The following LRFN5 variants were observed in gnomAD, a reference collection of about 807,000 sequenced individuals.
LRFN5 encodes leucine rich repeat and fibronectin type III domain containing 5.
Under a neutral mutation model 45.6 loss-of-function variants are expected in LRFN5, and 24 were observed. The ratio of observed to expected loss-of-function variants is 0.53; its 90% CI spans 0.38 to 0.74. The LOEUF is 0.74. LRFN5 is among the 30% of genes least tolerant of loss of function. LRFN5 has a pLI of 0.00. For missense variants in LRFN5, 776 were observed against 861.5 expected, an observed-to-expected ratio of 0.90 and a Z score of 1.24; for synonymous variants, 340 against 313.8, an observed-to-expected ratio of 1.08 and a Z score of -0.88.
At chr14:41,710,895 A>G (rs1883255866) in intron 1 of LRFN5, among the ~76,000 whole-genome samples, 1 of 131,092 alleles carries the variant, frequency 7.6e-6, no homozygotes, top group Non-Finnish European at 1.7e-5. Context: ...TTGCGACAGA[A>G]TGATGGTTTG....
At chr14:41,671,123 G>T (rs1009196751) in intron 1 of LRFN5, among the ~76,000 whole-genome samples, 1 of 151,698 alleles carries the variant, frequency 6.6e-6, no homozygotes, top group African/African-American at 2.4e-5. Flanking sequence ...TCTAATATGA[G>T]ATTTCTTTGA....
chr14:41,786,593 T>A (rs1332203174), intron 2 of LRFN5, among the ~76,000 whole-genome samples: 2 of 151,678 alleles, frequency 1.3e-5, no homozygotes, highest in African/African-American at 4.8e-5. Flanking sequence ...GGTGTAGTTT[T>A]TAAGATTTCT....
At chr14:41,686,636 G>T (rs1191231741) in intron 1 of LRFN5, among the ~76,000 whole-genome samples, 3 of 151,960 alleles carry the variant, frequency 2.0e-5, no homozygotes, top group South Asian at 4.1e-4. Context: ...TATGTTCCAT[G>T]AATACCTACT....
intron 1 of LRFN5, among the ~76,000 whole-genome samples, chr14:41,730,593 A>G (rs924460047): frequency 6.6e-6 from 1 of 151,928 alleles, no homozygotes; most frequent in Non-Finnish European, 1.5e-5. Context: ...GGCATAGATA[A>G]TATCAGTTTT....
intron 2 of LRFN5, among the ~76,000 whole-genome samples, chr14:41,844,702 G>T (rs1237701755): frequency 6.6e-6 from 1 of 152,062 alleles, no homozygotes; most frequent in Non-Finnish European, 1.5e-5. Context: ...TATGATATAA[G>T]TACTCCCAAC....
intron 4 of LRFN5, among the ~76,000 whole-genome samples, chr14:41,896,106 C>A (rs1449711413): frequency 6.6e-6 from 1 of 151,866 alleles, no homozygotes; most frequent in Non-Finnish European, 1.5e-5. Flanking sequence ...ACACTATTTG[C>A]CTTTTAGCTC....
At chr14:41,865,746 T>C (rs1364026043) in intron 2 of LRFN5, among the ~76,000 whole-genome samples, 2 of 152,214 alleles carry the variant, frequency 1.3e-5, no homozygotes, top group Non-Finnish European at 2.9e-5. Flanking sequence ...ATCTTTCTCT[T>C]TGGCTATAAC....
intron 1 of LRFN5, among the ~76,000 whole-genome samples, chr14:41,712,728 A>G (rs61990336): frequency 0.18 from 26,660 of 152,074 alleles, 2,463 homozygotes; most frequent in Non-Finnish European, 0.22. Flanking sequence ...TTTTATGCTA[A>G]TAACAGCTTA....
intron 2 of LRFN5, among the ~76,000 whole-genome samples, chr14:41,814,717 G>A (rs1887856623): frequency 6.6e-6 from 1 of 152,108 alleles, no homozygotes; most frequent in Non-Finnish European, 1.5e-5. Flanking sequence ...CTACAGAAAT[G>A]CCATATTCAG....
intron 1 of LRFN5, among the ~76,000 whole-genome samples, chr14:41,754,742 C>T (rs182251920): frequency 1.3e-5 from 2 of 151,762 alleles, no homozygotes; most frequent in African/African-American, 4.8e-5. Flanking sequence ...ATTTTTGAAG[C>T]GTTTTTTGTG....
At chr14:41,788,871 C>T (rs542629279) in intron 2 of LRFN5, among the ~76,000 whole-genome samples, 9 of 152,062 alleles carry the variant, frequency 5.9e-5, no homozygotes, top group East Asian at 1.9e-4. Flanking sequence ...TTAATATACA[C>T]GTTAATATAC....
intron 4 of LRFN5, 83 bp from the exon 5 acceptor site, chr14:41,898,834 A>G: frequency 3.9e-6 from 5 of 1,278,672 alleles, no homozygotes; most frequent in Non-Finnish European, 5.6e-6. Flanking sequence ...ATGAAGTATT[A>G]CCAAGATTTC....
At chr14:41,870,353 T>C (rs1182789259) in intron 2 of LRFN5, among the ~76,000 whole-genome samples, 1 of 152,192 alleles carries the variant, frequency 6.6e-6, no homozygotes, top group Admixed American at 6.5e-5. Flanking sequence ...TAATCTGTTT[T>C]CCTGCTGCTA....
intron 2 of LRFN5, among the ~76,000 whole-genome samples, chr14:41,773,978 G>A (rs1487769010): frequency 6.6e-6 from 1 of 152,184 alleles, no homozygotes; most frequent in African/African-American, 2.4e-5. Flanking sequence ...AGTCTCTGCT[G>A]TCTCTGCCTG....
intron 1 of LRFN5, among the ~76,000 whole-genome samples, chr14:41,690,753 T>C (rs1882345024): frequency 6.6e-6 from 1 of 152,192 alleles, no homozygotes; most frequent in South Asian, 2.1e-4. Context: ...TCTTTCTCTT[T>C]AATTTAGCAC....
chr14:41,679,004 A>G (rs1000470523), intron 1 of LRFN5, among the ~76,000 whole-genome samples: 1 of 152,160 alleles, frequency 6.6e-6, no homozygotes. Context: ...CCGTCACAGC[A>G]GGATGCAACA....
chr14:41,643,771 C>T (rs148774893), intron 1 of LRFN5, among the ~76,000 whole-genome samples: 7 of 152,162 alleles, frequency 4.6e-5, no homozygotes, highest in African/African-American at 1.7e-4. Context: ...CCCATATATT[C>T]TTTTAACCCT....
At chr14:41,885,628 A>G (rs1481833281) in intron 2 of LRFN5, among the ~76,000 whole-genome samples, 1 of 152,188 alleles carries the variant, frequency 6.6e-6, no homozygotes, top group Non-Finnish European at 1.5e-5. Context: ...TTTTTAACCA[A>G]TAAAATATTT....
intron 2 of LRFN5, among the ~76,000 whole-genome samples, chr14:41,770,439 A>T (rs1886041533): frequency 6.6e-6 from 1 of 152,178 alleles, no homozygotes; most frequent in Admixed American, 6.5e-5. Flanking sequence ...GAGCCTGTAA[A>T]ATCAAAATGA....
Sources: gnomAD v4.1 joint callset for allele counts (sites outside exome capture counted in the v4.1 genomes callset) on GRCh38, gnomAD v4.1.1 for gene constraint, MANE v1.5 for transcripts, NCBI Gene and HGNC (gene_info 2026-07-23, HGNC 2026-07-21) for gene names.